The following ANKRD13C variants were observed in gnomAD, a reference collection of about 807,000 sequenced individuals.
The protein encoded by ANKRD13C is ankyrin repeat domain-containing protein 13C.
Under a neutral mutation model 65.5 loss-of-function variants are expected in ANKRD13C, and 16 were observed. The observed-to-expected ratio is 0.24, with a 90% confidence interval of 0.17 to 0.37. ANKRD13C has a LOEUF of 0.37. Among genes scored for constraint, ANKRD13C ranks in the 10% least tolerant of loss-of-function variants. The pLI is 1.00. For synonymous variants in ANKRD13C, 235 were observed against 238.7 expected (o/e 0.98, Z 0.14); for missense variants, 503 against 655.9 (o/e 0.77, Z 2.55).
At chr1:70,334,616 G>A (rs897222858) in intron 2 of ANKRD13C, among the ~76,000 whole-genome samples, 2 of 151,782 alleles carry the variant, frequency 1.3e-5, no homozygotes, top group Admixed American at 6.6e-5. Flanking sequence ...GGAACACAGC[G>A]ACACCATGTC....
At chr1:70,351,788 T>A (rs1377479409) in intron 1 of ANKRD13C, among the ~76,000 whole-genome samples, 1 of 152,048 alleles carries the variant, frequency 6.6e-6, no homozygotes. Flanking sequence ...AGCATCCAGG[T>A]TAGTAAAATG....
intron 9 of ANKRD13C, among the ~76,000 whole-genome samples, chr1:70,286,356 T>A (rs1239504110): frequency 6.6e-6 from 1 of 152,106 alleles, no homozygotes; most frequent in Non-Finnish European, 1.5e-5. Context: ...TCTAAAAAAA[T>A]TTAAAATATA....
At chr1:70,330,117 C>G (rs906752778) in intron 2 of ANKRD13C, among the ~76,000 whole-genome samples, 2 of 150,624 alleles carry the variant, frequency 1.3e-5, no homozygotes, top group Non-Finnish European at 3.0e-5. Context: ...CCAGATCAAT[C>G]GAATGTCTTC....
rs1360626553 is a variant in ANKRD13C at position 70,262,130 on chromosome 1, A to C, written c.*587T>G. On this transcript the variant is annotated 3_prime_UTR_variant, in exon 13 of 13. Transcript: ENST00000370944. ...ATATAAATGCAATTGTTTAATGGTT[A>C]CCATTTGGTTCATTCATCTACAGAA... The C allele has an allele frequency of 6.6e-6, 1 of 152,602 alleles. No homozygotes were observed. Among genetic ancestry groups the C allele is most frequent in the Non-Finnish European group, 1.5e-5 (1 of 67,998 alleles). 9.5% of individuals were successfully genotyped at this position (152,602 alleles called of 1,614,324 possible). A position where few individuals can be genotyped will look rare whatever the true frequency, so the allele number is the denominator to read the frequency against.
Position 70,336,119 on chromosome 1 carries a change from A to G in ANKRD13C, c.431-20T>C, listed in dbSNP as rs577099258. On this transcript the variant is annotated intron_variant, in intron 1 of 12. Coordinates refer to ENST00000370944, the MANE Select transcript of ANKRD13C (RefSeq NM_030816.5). ...TATTTCCTAAAAAAAATAAAATAAA[A>G]TAAATAAATTAGAAGGTGTAAAAAC... The G allele has an allele frequency of 1.2e-5, 8 of 684,466 alleles. No individual in the cohort carries two copies. The East Asian group carries it at 3.8e-4, about 33-fold the overall frequency. The allele number at this position is 684,466 out of a possible 1,614,324, so 42.4% of individuals were successfully genotyped here. A position where few individuals can be genotyped will look rare whatever the true frequency, so the allele number is the denominator to read the frequency against.
At chr1:70,275,920 C>CCACTG (rs1330964672) in intron 10 of ANKRD13C, among the ~76,000 whole-genome samples, 1 of 146,728 alleles carries the variant, frequency 6.8e-6, no homozygotes, top group East Asian at 2.0e-4. Context: ...GAGATCACGC[C>CCACTG]CACTGCACTC....
rs1391751394 is a variant in ANKRD13C, at chr1:70,259,660, A to T, written c.*3057T>A. Among the ~76,000 whole-genome samples, 1 of 152,206 alleles carries T rather than the reference A, an allele frequency of 6.6e-6. No homozygotes were observed. Among genetic ancestry groups the T allele is most frequent in the Non-Finnish European group, 1.5e-5 (1 of 68,024 alleles). ...AGTATACAAACAATCATGGGCTTTT[A>T]CCAAGCTTAGTTCTGCTATCTATCT... On this transcript the variant is annotated 3_prime_UTR_variant, in exon 13 of 13. Coordinates refer to ENST00000370944, the MANE Select transcript of ANKRD13C (RefSeq NM_030816.5).
rs367957096 is a variant in ANKRD13C at position 70,276,873 on chromosome 1, G to C, written c.1216-29C>G. 111 of 1,509,124 alleles carry C rather than the reference G, an allele frequency of 7.4e-5. No individual in the cohort carries two copies. The African/African-American group carries it at 1.4e-3, about 18-fold the overall frequency. The allele number at this position is 1,509,124 out of a possible 1,614,324, so 93.5% of individuals were successfully genotyped here. On this transcript the variant is annotated intron_variant, in intron 9 of 12. Transcript: ENST00000370944. ...CCAAAAAAAAAAAAGAAAGAAAGTG[G>C]GGTGGGGGAGAAAGAAAGATGTTAT...
rs1222694343 is a variant in ANKRD13C, at chr1:70,277,510, G to GA, written c.1216-667dup. Among the ~76,000 whole-genome samples, 122 of 134,480 alleles carry GA rather than the reference G, an allele frequency of 9.1e-4. 1 individual carries two copies. Among genetic ancestry groups the GA allele is most frequent in the African/African-American group, 2.7e-3 (98 of 36,338 alleles). The allele number at this position is 134,480 out of a possible 152,430, so 88.2% of individuals were successfully genotyped here. A position where few individuals can be genotyped will look rare whatever the true frequency, so the allele number is the denominator to read the frequency against. On this transcript the variant is annotated intron_variant, in intron 9 of 12. Coordinates refer to ENST00000370944, the MANE Select transcript of ANKRD13C (RefSeq NM_030816.5). The stretch of plus-strand genomic sequence containing the variant: ...AAGGAATTTACAATTCAGTTGGAAA[G>GA]AAAAAAAAAATACAGACATGAACAG...
intron 2 of ANKRD13C, among the ~76,000 whole-genome samples, chr1:70,333,158 G>A (rs1681883330): frequency 6.6e-6 from 1 of 152,050 alleles, no homozygotes; most frequent in South Asian, 2.1e-4. Flanking sequence ...CAAGTTTTGG[G>A]GCTAATGTTT....
intron 5 of ANKRD13C, among the ~76,000 whole-genome samples, chr1:70,310,186 C>A (rs773097893): frequency 6.6e-6 from 1 of 152,128 alleles, no homozygotes; most frequent in Non-Finnish European, 1.5e-5. Flanking sequence ...TAAGTAAGAG[C>A]ATAAAAAAGA....
intron 2 of ANKRD13C, among the ~76,000 whole-genome samples, chr1:70,330,553 G>A (rs1322232024): frequency 4.5e-5 from 5 of 110,336 alleles, no homozygotes; most frequent in African/African-American, 7.2e-5. Flanking sequence ...GTGAGCCTCC[G>A]TCTCAAAAAA....
rs1039323854 is a variant in ANKRD13C, at chr1:70,262,091, A to G, written c.*626T>C. On this transcript the variant is annotated 3_prime_UTR_variant, in exon 13 of 13. Coordinates refer to ENST00000370944, the MANE Select transcript of ANKRD13C (RefSeq NM_030816.5). ...CCCTGCAGAGTGAACGCTCCTTCTG[A>G]AATGTATTGCAACATATAAATGCAA... 2.6e-4 allele frequency: 39 copies of G among 152,636 alleles called. No individual in the cohort carries two copies. Among genetic ancestry groups the G allele is most frequent in the African/African-American group, 9.4e-4 (39 of 41,458 alleles). 9.5% of individuals were successfully genotyped at this position (152,636 alleles called of 1,614,324 possible). A position where few individuals can be genotyped will look rare whatever the true frequency, so the allele number is the denominator to read the frequency against.
intron 9 of ANKRD13C, among the ~76,000 whole-genome samples, chr1:70,277,292 C>T (rs1679183065): frequency 6.6e-6 from 1 of 151,954 alleles, no homozygotes; most frequent in Non-Finnish European, 1.5e-5. Context: ...CCCGTCTTTA[C>T]TAAAAATGCA....
Position 70,277,038 on chromosome 1 carries a change from A to T in ANKRD13C, c.1216-194T>A, listed in dbSNP as rs543249568. The stretch of plus-strand genomic sequence containing the variant: ...GCTCTATTGGTAATATTTATTATCA[A>T]TTTTTTTTTAAATCCCAAAAAGACA... On this transcript the variant is annotated intron_variant, in intron 9 of 12. Coordinates refer to ENST00000370944, the MANE Select transcript of ANKRD13C (RefSeq NM_030816.5). Among the ~76,000 whole-genome samples the T allele has an allele frequency of 8.6e-5, 13 of 151,688 alleles. No individual in the cohort carries two copies. In the South Asian group the frequency reaches 1.0e-3, roughly 12 times the overall value.
intron 2 of ANKRD13C, among the ~76,000 whole-genome samples, chr1:70,335,850 AAAGT>A (rs1682002880): frequency 6.6e-6 from 1 of 151,692 alleles, no homozygotes; most frequent in South Asian, 2.1e-4. Context: ...AAAAGACATA[AAAGT>A]TAGTACAGGA....
At chr1:70,299,274 G>GTT (rs1368420443) in intron 7 of ANKRD13C, among the ~76,000 whole-genome samples, 1 of 152,158 alleles carries the variant, frequency 6.6e-6, no homozygotes. Flanking sequence ...ATCTAAAATA[G>GTT]TAAGGTAAGA....
chr1:70,319,852 A>G (rs1681232012), intron 3 of ANKRD13C, among the ~76,000 whole-genome samples: 1 of 152,042 alleles, frequency 6.6e-6, no homozygotes, highest in African/African-American at 2.4e-5. Context: ...CAGAATATTC[A>G]CTGGTCTCTC....
Position 70,281,166 on chromosome 1 carries a change from G to A in ANKRD13C, c.1216-4322C>T, listed in dbSNP as rs554211357. Among the ~76,000 whole-genome samples the A allele has an allele frequency of 1.6e-3, 238 of 152,178 alleles. 3 individuals are homozygous for A. The highest frequency in any genetic ancestry group is 0.013 in the South Asian group (62 of 4,822). ...TAGGCAAAAGCACTATAGATGTGGT[G>A]ATATGACGGAAGAATAGAGTTAAAG... On this transcript the variant is annotated intron_variant, in intron 9 of 12. Transcript: ENST00000370944.
Sources: allele counts gnomAD v4.1 joint callset (sites outside exome capture counted in the v4.1 genomes callset), GRCh38; gene constraint gnomAD v4.1.1; transcripts MANE v1.5; gene names NCBI Gene and HGNC (gene_info 2026-07-23, HGNC 2026-07-21).